HOOK3: variants seen among roughly 807,000 people sequenced by gnomAD.
HOOK3 encodes protein Hook homolog 3.
HOOK3 carries 24 observed loss-of-function variants against 116.3 expected under a neutral mutation model. The observed-to-expected ratio is 0.21, with a 90% confidence interval of 0.15 to 0.29. The LOEUF (loss-of-function observed/expected upper bound fraction) is 0.29, where lower values mean the gene tolerates loss of function less well. Ranked by LOEUF, HOOK3 falls within the 10% of genes least tolerant of loss-of-function variation. HOOK3 has a pLI of 1.00. For synonymous variants in HOOK3, 275 were observed against 283.0 expected (o/e 0.97, Z 0.28); for missense variants, 632 against 830.2 (o/e 0.76, Z 2.93).
At chr8:42,983,239 C>T (rs377269551) in intron 14 of HOOK3, among the ~76,000 whole-genome samples, 28 of 149,220 alleles carry the variant, frequency 1.9e-4, no homozygotes, top group East Asian at 1.2e-3. Flanking sequence ...GAGGCTGAGG[C>T]GGGAGAATGG....
At chr8:42,927,402 G>A (rs1220974965) in intron 3 of HOOK3, among the ~76,000 whole-genome samples, 3 of 151,716 alleles carry the variant, frequency 2.0e-5, no homozygotes, top group East Asian at 1.9e-4. Flanking sequence ...GATTACAGGC[G>A]CACGCCATGA....
intron 16 of HOOK3, 75 bp downstream of exon 16, chr8:42,997,712 TG>T (rs1445221323): frequency 2.3e-6 from 2 of 855,106 alleles, no homozygotes; most frequent in Admixed American, 1.9e-5. Flanking sequence ...TTTTATTTGA[TG>T]TTTTTTGTCA....
Position 43,013,158 on chromosome 8 carries a change from A to C in HOOK3, c.1944+3A>C, listed in dbSNP as rs1473471584. On this transcript the variant is annotated splice_donor_region_variant and intron_variant, in intron 20 of 21. Coordinates refer to ENST00000307602, the MANE Select transcript of HOOK3 (RefSeq NM_032410.4). The stretch of plus-strand genomic sequence containing the variant: ...ACCGACTGTTCCACTCATTAGAGGT[A>C]GTTTACTATACTGTACAATAAAATA... 6.3e-7 allele frequency: 1 copy of C among 1,579,606 alleles called. No individual in the cohort carries two copies. Among genetic ancestry groups the C allele is most frequent in the African/African-American group, 1.3e-5 (1 of 74,184 alleles).
At chr8:42,969,728 A>G (rs1013333321) in intron 11 of HOOK3, among the ~76,000 whole-genome samples, 2 of 152,198 alleles carry the variant, frequency 1.3e-5, no homozygotes, top group Non-Finnish European at 2.9e-5. Flanking sequence ...ATTATACTTC[A>G]TGTTACCCTG....
chr8:42,942,631 C>T (rs1808149864), intron 4 of HOOK3, among the ~76,000 whole-genome samples: 1 of 151,992 alleles, frequency 6.6e-6, no homozygotes, highest in Non-Finnish European at 1.5e-5. Context: ...TCTGAGTTTG[C>T]TTTCATTGTT....
At chr8:43,006,016 A>ATTTT (rs1369697463) in intron 17 of HOOK3, among the ~76,000 whole-genome samples, 3 of 147,060 alleles carry the variant, frequency 2.0e-5, no homozygotes, top group African/African-American at 7.5e-5. Context: ...TTATTTATTT[A>ATTTT]TTTATTTATT....
intron 6 of HOOK3, among the ~76,000 whole-genome samples, chr8:42,953,197 G>A (rs1278072608): frequency 1.3e-5 from 2 of 149,240 alleles, no homozygotes; most frequent in African/African-American, 2.5e-5. Flanking sequence ...TAAGAGGACC[G>A]CCAACCATTC....
intron 2 of HOOK3, among the ~76,000 whole-genome samples, chr8:42,918,027 T>C (rs1807566038): frequency 6.6e-6 from 1 of 152,216 alleles, no homozygotes; most frequent in Non-Finnish European, 1.5e-5. Context: ...AAAGATGCCA[T>C]GTTAAGAAAT....
At chr8:43,011,133 C>CT (rs1379454071) in intron 19 of HOOK3, among the ~76,000 whole-genome samples, 1 of 152,044 alleles carries the variant, frequency 6.6e-6, no homozygotes, top group Non-Finnish European at 1.5e-5. Flanking sequence ...GCTAGGACTA[C>CT]AGGCGCCTGC....
intron 5 of HOOK3, among the ~76,000 whole-genome samples, chr8:42,943,880 A>G (rs1046436507): frequency 6.6e-6 from 1 of 152,156 alleles, no homozygotes; most frequent in Non-Finnish European, 1.5e-5. Flanking sequence ...AAACATTTGC[A>G]AGTTTGCCTC....
rs1193813250 is a variant in HOOK3, at chr8:43,011,142, G to GCCA, written c.1839+742_1839+744dup. Reference sequence around the variant, plus strand: ...CGAGTAGCTAGGACTACAGGCGCCTGCCACCACACTCGGCTAATTTTTTGT... The same window carrying GCCA: ...CGAGTAGCTAGGACTACAGGCGCCTGCCACCACCACACTCGGCTAATTTTTTGT... On this transcript the variant is annotated intron_variant, in intron 19 of 21. Transcript: ENST00000307602. 3.3e-5 allele frequency among the ~76,000 whole-genome samples: 5 copies of GCCA among 152,024 alleles called. No homozygotes were observed. In the East Asian group the frequency reaches 9.7e-4, roughly 30 times the overall value.
chr8:42,920,917 A>G (rs1432694601), intron 2 of HOOK3, among the ~76,000 whole-genome samples: 1 of 152,198 alleles, frequency 6.6e-6, no homozygotes, highest in Admixed American at 6.5e-5. Flanking sequence ...GGTGTCATAC[A>G]TGGTGTATAT....
chr8:42,949,565 C>T (rs1808298139), intron 5 of HOOK3: 1 of 152,188 alleles, frequency 6.6e-6, no homozygotes, highest in South Asian at 2.1e-4. Context: ...AACTTAAATT[C>T]ATCTCAATTC....
chr8:42,948,758 G>C (rs991140727), intron 5 of HOOK3, among the ~76,000 whole-genome samples: 2 of 152,160 alleles, frequency 1.3e-5, no homozygotes, highest in Non-Finnish European at 2.9e-5. Context: ...CACTCATAGG[G>C]TGATTCTCAT....
intron 13 of HOOK3, among the ~76,000 whole-genome samples, chr8:42,975,021 T>G (rs1339027545): frequency 1.3e-5 from 2 of 152,028 alleles, no homozygotes; most frequent in African/African-American, 4.8e-5. Flanking sequence ...TGAACTCCCC[T>G]CCTTGGCGTA....
chr8:42,920,113 TG>T (rs1190832361), intron 2 of HOOK3, among the ~76,000 whole-genome samples: 1 of 152,186 alleles, frequency 6.6e-6, no homozygotes, highest in African/African-American at 2.4e-5. Context: ...GAAATGATTT[TG>T]TATATTTTCT....
chr8:42,951,664 G>A (rs535654229), intron 6 of HOOK3, among the ~76,000 whole-genome samples: 1 of 152,030 alleles, frequency 6.6e-6, no homozygotes, highest in Non-Finnish European at 1.5e-5. Context: ...AAGACAGGCC[G>A]GGTGCGGTGG....
intron 14 of HOOK3, 105 bp from the exon 15 acceptor site, chr8:42,986,550 G>T: frequency 2.7e-6 from 2 of 742,144 alleles, no homozygotes; most frequent in Non-Finnish European, 4.1e-6. Context: ...TTCTGTTCTG[G>T]TATTAAATTT....
chr8:43,023,691 C>T lies in HOOK3; in HGVS notation c.*5193C>T, dbSNP rs1809876298. On this transcript the variant is annotated 3_prime_UTR_variant, in exon 22 of 22. Coordinates refer to ENST00000307602, the MANE Select transcript of HOOK3 (RefSeq NM_032410.4). ...GGCCAGGCTGGTCTCTAACTCCTGACCTCAGGTGATCCGTCCACCTTGGCC... is the reference window on the plus strand; with the variant it reads ...GGCCAGGCTGGTCTCTAACTCCTGATCTCAGGTGATCCGTCCACCTTGGCC... 1 of 180,394 alleles carries T rather than the reference C, an allele frequency of 5.5e-6. No homozygotes were observed. Among genetic ancestry groups the T allele is most frequent in the African/African-American group, 2.4e-5 (1 of 42,366 alleles). 11.2% of individuals were successfully genotyped at this position (180,394 alleles called of 1,614,324 possible). A position where few individuals can be genotyped will look rare whatever the true frequency, so the allele number is the denominator to read the frequency against.
Sources: gnomAD v4.1 joint callset for allele counts (sites outside exome capture counted in the v4.1 genomes callset) on GRCh38, gnomAD v4.1.1 for gene constraint, MANE v1.5 for transcripts, NCBI Gene and HGNC (gene_info 2026-07-23, HGNC 2026-07-21) for gene names.